The following HELZ variants were observed in gnomAD, a reference collection of about 807,000 sequenced individuals.
HELZ encodes the protein helicase with zinc finger.
A neutral mutation model predicts 218.2 loss-of-function variants in HELZ; 23 were observed. That is an observed-to-expected ratio of 0.11 (90% CI 0.08 to 0.15). The LOEUF is 0.15. HELZ is among the 10% of genes least tolerant of loss of function. HELZ has a pLI of 1.00. For synonymous variants in HELZ, 814 were observed against 829.4 expected, an observed-to-expected ratio of 0.98 and a Z score of 0.32; for missense variants, 1,813 against 2,353.7, an observed-to-expected ratio of 0.77 and a Z score of 4.75.
At chr17:67,132,091 C>T (rs1446570701) in intron 23 of HELZ, among the ~76,000 whole-genome samples, 1 of 152,056 alleles carries the variant, frequency 6.6e-6, no homozygotes, top group Non-Finnish European at 1.5e-5. Flanking sequence ...TAATTTTAGG[C>T]ATTTCAAAGG....
At chr17:67,152,708 A>G (rs2038722585) in intron 17 of HELZ, among the ~76,000 whole-genome samples, 1 of 148,190 alleles carries the variant, frequency 6.7e-6, no homozygotes, top group Non-Finnish European at 1.5e-5. Flanking sequence ...GATAGCTACA[A>G]TTGGGATAAT....
At chr17:67,166,198 T>TC (rs1567856645) in intron 15 of HELZ, among the ~76,000 whole-genome samples, 1 of 152,100 alleles carries the variant, frequency 6.6e-6, no homozygotes, top group Non-Finnish European at 1.5e-5. Flanking sequence ...GGCCCTAATT[T>TC]CCCCATTCAA....
rs929601295 is a variant in HELZ at position 67,120,712 on chromosome 17, C to T, written c.3631-100G>A. The T allele has an allele frequency of 5.6e-6, 4 of 716,554 alleles. No homozygotes were observed. In the African/African-American group the frequency reaches 7.0e-5, roughly 13 times the overall value. The allele number at this position is 716,554 out of a possible 1,614,324, so 44.4% of individuals were successfully genotyped here. A position where few individuals can be genotyped will look rare whatever the true frequency, so the allele number is the denominator to read the frequency against. ...GGAAAAGCAAACATACAAAGACATA[C>T]AAACACACACACACACAGATGTTAA... On this transcript the variant is annotated intron_variant, in intron 26 of 32. Coordinates refer to ENST00000358691, the MANE Select transcript of HELZ (RefSeq NM_014877.4).
At chr17:67,109,952 T>A (rs1163095108) in intron 28 of HELZ, among the ~76,000 whole-genome samples, 1 of 152,250 alleles carries the variant, frequency 6.6e-6, no homozygotes, top group Non-Finnish European at 1.5e-5. Flanking sequence ...CTTTAATTCC[T>A]TTCAGGGCAT....
chr17:67,149,081 A>G lies in HELZ; in HGVS notation c.2476-367T>C, dbSNP rs939567458. 2.6e-5 allele frequency among the ~76,000 whole-genome samples: 4 copies of G among 152,356 alleles called. 1 individual carries two copies. The Middle Eastern group carries it at 0.01, about 389-fold the overall frequency. ...TAAAATTGATTAATTATTTTAAATG[A>G]TGAGCTGGTAGGACATACAGCCTAC... is the stretch of plus-strand genomic sequence containing the variant. On this transcript the variant is annotated intron_variant, in intron 19 of 32. Coordinates refer to ENST00000358691, the MANE Select transcript of HELZ (RefSeq NM_014877.4).
intron 31 of HELZ, among the ~76,000 whole-genome samples, chr17:67,100,679 G>A (rs548587930): frequency 6.6e-6 from 1 of 151,752 alleles, no homozygotes; most frequent in African/African-American, 2.4e-5. Context: ...GGAAAAAAAA[G>A]GTCCCATTAA....
intron 5 of HELZ, among the ~76,000 whole-genome samples, chr17:67,212,502 C>T (rs2040484759): frequency 6.6e-6 from 1 of 151,754 alleles, no homozygotes; most frequent in Admixed American, 6.6e-5. Flanking sequence ...AGTACTTCAT[C>T]TTATACAAAA....
intron 25 of HELZ, 120 bp downstream of exon 25, chr17:67,123,843 G>T: frequency 1.4e-6 from 1 of 740,046 alleles, no homozygotes; most frequent in South Asian, 1.4e-5. Flanking sequence ...GTGTGTGTGT[G>T]TGTCAGAGAG....
chr17:67,128,929 G>T, intron 23 of HELZ, 74 bp from the exon 24 acceptor site: 1 of 1,161,708 alleles, frequency 8.6e-7, no homozygotes, highest in Non-Finnish European at 1.3e-6. Flanking sequence ...AATAACTAAA[G>T]ATAATCTCAA....
intron 31 of HELZ, among the ~76,000 whole-genome samples, chr17:67,106,955 G>T (rs889975782): frequency 3.3e-5 from 5 of 152,104 alleles, no homozygotes; most frequent in South Asian, 2.1e-4. Flanking sequence ...AGCAATAAAA[G>T]ACTTTTAAGG....
intron 3 of HELZ, among the ~76,000 whole-genome samples, chr17:67,238,419 C>A (rs949907012): frequency 1.3e-5 from 2 of 151,032 alleles, no homozygotes; most frequent in Non-Finnish European, 2.9e-5. Flanking sequence ...CGGTGGCTCA[C>A]GCCTGTAATC....
At chr17:67,204,575 T>A (rs951572158) in intron 5 of HELZ, among the ~76,000 whole-genome samples, 1 of 152,168 alleles carries the variant, frequency 6.6e-6, no homozygotes, top group African/African-American at 2.4e-5. Flanking sequence ...ACCCTTCCCT[T>A]ATAAGATAAT....
At chr17:67,107,879 C>T (rs1241652191) in intron 30 of HELZ, among the ~76,000 whole-genome samples, 194 bp from the exon 31 acceptor site, 1 of 152,144 alleles carries the variant, frequency 6.6e-6, no homozygotes, top group African/African-American at 2.4e-5. Context: ...TGCTCAATTA[C>T]CTGATTTCTT....
intron 15 of HELZ, among the ~76,000 whole-genome samples, chr17:67,163,950 TAC>T (rs2039064133): frequency 6.6e-6 from 1 of 152,222 alleles, no homozygotes; most frequent in Non-Finnish European, 1.5e-5. Context: ...AGTTAAAACT[TAC>T]AGTCAGTAGT....
rs1331919244 is a variant in HELZ, at chr17:67,198,943, G to A, written c.429+2186C>T. Among the ~76,000 whole-genome samples the A allele has an allele frequency of 2.0e-5, 3 of 152,192 alleles. No individual in the cohort carries two copies. In the East Asian group the frequency reaches 5.8e-4, roughly 29 times the overall value. On this transcript the variant is annotated intron_variant, in intron 7 of 32. Coordinates refer to ENST00000358691, the MANE Select transcript of HELZ (RefSeq NM_014877.4). ...AGTATAGTCACAAAATAAGAGTCAA[G>A]TGATATATGTGGCCTTACATGCAAC... is the stretch of plus-strand genomic sequence containing the variant.
chr17:67,209,766 T>A (rs1429942121), intron 5 of HELZ, among the ~76,000 whole-genome samples: 1 of 152,230 alleles, frequency 6.6e-6, no homozygotes, highest in East Asian at 1.9e-4. Context: ...AAAGTCTGTT[T>A]GCTCATCTGT....
At chr17:67,170,707 T>A (rs1472217422) in intron 13 of HELZ, among the ~76,000 whole-genome samples, 1 of 150,556 alleles carries the variant, frequency 6.6e-6, no homozygotes, top group Non-Finnish European at 1.5e-5. Flanking sequence ...CGGCCTGTAG[T>A]CCATAGCTAC....
intron 17 of HELZ, among the ~76,000 whole-genome samples, chr17:67,153,028 A>G (rs1410598888): frequency 6.6e-6 from 1 of 152,156 alleles, no homozygotes; most frequent in Non-Finnish European, 1.5e-5. Flanking sequence ...GAACCTCAAT[A>G]TGATGGTTTT....
Position 67,195,416 on chromosome 17 carries a change from T to C in HELZ, c.481+3A>G. 1 of 1,584,498 alleles carries C rather than the reference T, an allele frequency of 6.3e-7. No homozygotes were observed. Among genetic ancestry groups the C allele is most frequent in the Non-Finnish European group, 8.7e-7 (1 of 1,153,452 alleles). On this transcript the variant is annotated splice_donor_region_variant and intron_variant, in intron 8 of 32. Transcript: ENST00000358691. ...CAGAAGTTACACAGCATTTGGCACT[T>C]ACCCTCATCTAAGTCTTCCACGTGA...
Sources: allele counts gnomAD v4.1 joint callset (sites outside exome capture counted in the v4.1 genomes callset), GRCh38; gene constraint gnomAD v4.1.1; transcripts MANE v1.5; gene names NCBI Gene and HGNC (gene_info 2026-07-23, HGNC 2026-07-21).